Variants in MTMR10 observed in about 807,000 individuals in gnomAD.
MTMR10 encodes the protein myotubularin-related protein 10.
In MTMR10, 56 loss-of-function variants were observed where a neutral mutation model predicts 88.1. That is an observed-to-expected ratio of 0.64 (90% CI 0.51 to 0.79). The LOEUF (loss-of-function observed/expected upper bound fraction) is 0.79, where lower values mean the gene tolerates loss of function less well. Ranked by LOEUF, MTMR10 falls within the 30% of genes least tolerant of loss-of-function variation. MTMR10 has a pLI of 0.00. For synonymous variants in MTMR10, 380 were observed against 340.9 expected, an observed-to-expected ratio of 1.11 and a Z score of -1.26; for missense variants, 883 against 924.7, an observed-to-expected ratio of 0.95 and a Z score of 0.58.
In MTMR10 at chr15:30,968,534, AACACACAC is replaced by A. The variant is rs61503155; in HGVS notation, c.475-532_475-525del. ...GCTCAAAGAGGTACATCAAAAAAAC[AACACACAC>A]ACACACACACACACACACACACACA... On this transcript the variant is annotated intron_variant, in intron 5 of 15. Transcript: ENST00000435680. Among the ~76,000 whole-genome samples the A allele has an allele frequency of 8.8e-3, 1,256 of 143,162 alleles. 12 individuals carry two copies. The highest frequency in any genetic ancestry group is 0.021 in the Middle Eastern group (6 of 284). 93.9% of individuals were successfully genotyped at this position (143,162 alleles called of 152,430 possible). A position where few individuals can be genotyped will look rare whatever the true frequency, so the allele number is the denominator to read the frequency against.
chr15:30,947,005 G>T, intron 14 of MTMR10, 125 bp downstream of exon 14: 3 of 1,224,334 alleles, frequency 2.5e-6, no homozygotes, highest in Non-Finnish European at 3.4e-6. Context: ...AGAAATTTCA[G>T]CTGAAAATGG....
At chr15:30,982,251 T>A (rs192567458) in intron 2 of MTMR10, among the ~76,000 whole-genome samples, 270 of 152,182 alleles carry the variant, frequency 1.8e-3, no homozygotes, top group African/African-American at 6.4e-3. Flanking sequence ...GTAAAGAACA[T>A]TTGTGGAAAA....
rs1199587078 is a variant in MTMR10, at chr15:30,963,615, C to T, written c.566-2542G>A. On this transcript the variant is annotated intron_variant, in intron 6 of 15. Transcript: ENST00000435680. ...TCGTACCAGTGCACTCCAGCCTGAG[C>T]GACACAGCGAGACTCTGTCTCAAAA... Among the ~76,000 whole-genome samples, 4 of 151,402 alleles carry T rather than the reference C, an allele frequency of 2.6e-5. No homozygotes were observed. In the South Asian group the frequency reaches 6.2e-4, roughly 24 times the overall value.
chr15:30,990,991 T>A (rs1402922612), intron 1 of MTMR10, among the ~76,000 whole-genome samples, 154 bp from the exon 2 acceptor site: 1 of 152,184 alleles, frequency 6.6e-6, no homozygotes, highest in Non-Finnish European at 1.5e-5. Flanking sequence ...GTTTTTAAGA[T>A]CTGCTCATTA....
chr15:30,937,051 A>G (rs951087627), downstream of MTMR10: 2 of 1,364,322 alleles, frequency 1.5e-6, no homozygotes, highest in African/African-American at 1.4e-5. Context: ...AGTGACAACT[A>G]CAACTTACTT....
At chr15:30,929,771 ATAATATATTATAT>A in the MTMR10 span, among the ~76,000 whole-genome samples, 4 of 31,862 alleles carry the variant, frequency 1.3e-4, 1 homozygote, top group Admixed American at 1.3e-3. Context: ...TATAAAATAT[ATAATATATTATAT>A]CATATATAAT....
At chr15:30,981,985 C>T (rs1385993913) in intron 2 of MTMR10, among the ~76,000 whole-genome samples, 2 of 151,590 alleles carry the variant, frequency 1.3e-5, no homozygotes, top group Non-Finnish European at 2.9e-5. Context: ...GCAGGAGAAT[C>T]GCTCAAACTC....
chr15:30,943,130 T>C, intron 14 of MTMR10, 58 bp from the exon 15 acceptor site: 1 of 1,502,866 alleles, frequency 6.7e-7, no homozygotes, highest in Non-Finnish European at 8.9e-7. Flanking sequence ...GAATGCCTTT[T>C]TTCAGATGAG....
the MTMR10 span, among the ~76,000 whole-genome samples, chr15:30,918,988 C>T: frequency 2.6e-5 from 4 of 152,104 alleles, no homozygotes; most frequent in Non-Finnish European, 5.9e-5. Context: ...GAAGCCCTAC[C>T]GATTACATAG....
intron 9 of MTMR10, among the ~76,000 whole-genome samples, chr15:30,955,862 G>GATA (rs1460165330): frequency 6.6e-6 from 1 of 152,064 alleles, no homozygotes; most frequent in Admixed American, 6.5e-5. Flanking sequence ...CTATTCTTAG[G>GATA]AGAGAATGGG....
At chr15:30,953,282 T>C (rs1056906387) in intron 11 of MTMR10, among the ~76,000 whole-genome samples, 5 of 152,160 alleles carry the variant, frequency 3.3e-5, no homozygotes, top group African/African-American at 1.2e-4. Context: ...CTCCCTGTGG[T>C]GGTGGTTACG....
Position 30,968,534 on chromosome 15 carries a change from A to AACACACACACACACACACACAC in MTMR10, c.475-546_475-525dup, listed in dbSNP as rs61503155. 1.4e-3 allele frequency among the ~76,000 whole-genome samples: 200 copies of AACACACACACACACACACACAC among 143,156 alleles called. 1 individual carries two copies. The highest frequency in any genetic ancestry group is 5.0e-3 in the African/African-American group (186 of 37,478). 93.9% of individuals were successfully genotyped at this position (143,156 alleles called of 152,430 possible). On this transcript the variant is annotated intron_variant, in intron 5 of 15. Coordinates refer to ENST00000435680, the MANE Select transcript of MTMR10 (RefSeq NM_017762.3). ...GCTCAAAGAGGTACATCAAAAAAAC[A>AACACACACACACACACACACAC]ACACACACACACACACACACACACA...
the MTMR10 span, chr15:30,929,395 C>T: frequency 6.2e-7 from 1 of 1,601,354 alleles, no homozygotes; most frequent in Non-Finnish European, 8.5e-7. Context: ...TCAGCAAGCT[C>T]AGGTAATGGT....
chr15:30,968,423 T>A lies in MTMR10; in HGVS notation c.475-413A>T, dbSNP rs545666049. ...ATATAAGGCATGAAACTTTAAAGTT[T>A]ACGCCTCATGGATTTAAACATCTAA... is the stretch of plus-strand genomic sequence containing the variant. On this transcript the variant is annotated intron_variant, in intron 5 of 15. Coordinates refer to ENST00000435680, the MANE Select transcript of MTMR10 (RefSeq NM_017762.3). Among the ~76,000 whole-genome samples the A allele has an allele frequency of 5.3e-5, 8 of 152,204 alleles. No homozygotes were observed. In the East Asian group the frequency reaches 1.5e-3, roughly 29 times the overall value.
chr15:30,966,858 C>CTTTTTTTTT (rs76851097), intron 6 of MTMR10, among the ~76,000 whole-genome samples: 1 of 131,082 alleles, frequency 7.6e-6, no homozygotes, highest in Non-Finnish European at 1.6e-5. Context: ...ACTGTATTTT[C>CTTTTTTTTT]TTTTTTTTTT....
At position 30,967,707 on chromosome 15, in the gene MTMR10, T is replaced by C. The variant is rs16956414; in HGVS notation, c.565+213A>G. On this transcript the variant is annotated intron_variant, in intron 6 of 15. Coordinates refer to ENST00000435680, the MANE Select transcript of MTMR10 (RefSeq NM_017762.3). ...ATATCTGACATAACTTATAAGCCCA[T>C]ATTCATAGCATTAAAGGTTCTTCCT... 0.054 allele frequency among the ~76,000 whole-genome samples: 8,278 copies of C among 152,244 alleles called. 322 individuals are homozygous for C. The highest frequency in any genetic ancestry group is 0.13 in the Admixed American group (1,940 of 15,280).
At chr15:30,962,093 C>T (rs2063409614) in intron 6 of MTMR10, among the ~76,000 whole-genome samples, 1 of 152,156 alleles carries the variant, frequency 6.6e-6, no homozygotes, top group Non-Finnish European at 1.5e-5. Context: ...CATCAGGTTC[C>T]TTGTTCTTTG....
chr15:30,940,313 G>GTGTC lies in MTMR10; in HGVS notation c.*1153_*1156dup. The GTGTC allele has an allele frequency of 1.0e-6, 1 of 985,378 alleles. No homozygotes were observed. Among genetic ancestry groups the GTGTC allele is most frequent in the Non-Finnish European group, 1.2e-6 (1 of 829,882 alleles). The allele number at this position is 985,378 out of a possible 1,614,324, so 61.0% of individuals were successfully genotyped here. ...AGAGATTCAGATCAAGCAAACAACT[G>GTGTC]TGTCTGCTCATTCTCCTCAACTTTG... is the stretch of plus-strand genomic sequence containing the variant. On this transcript the variant is annotated 3_prime_UTR_variant, in exon 16 of 16. Transcript: ENST00000435680.
At position 30,941,528 on chromosome 15, in the gene MTMR10, T is replaced by G; in HGVS notation, c.2276A>C (p.Lys759Thr). ...CCATATTTTGGCCCCACTTAAAAAT[T>G]TGCTTAATGGTGTTCCTAAAATGCT... is the stretch of plus-strand genomic sequence containing the variant. ...RRSILGTPLS[K>T]FLSGAKIWLS... Residue 759 changes from lysine (K) to threonine (T), a missense_variant, in exon 16 of 16, where the codon AAA becomes ACA. Lys to Thr is a moderately conservative substitution (Grantham distance 78, BLOSUM62 -1). Coordinates refer to ENST00000435680, the MANE Select transcript of MTMR10 (RefSeq NM_017762.3). The G allele has an allele frequency of 6.2e-7, 1 of 1,610,478 alleles. No individual in the cohort carries two copies. Among genetic ancestry groups the G allele is most frequent in the Non-Finnish European group, 8.5e-7 (1 of 1,178,126 alleles).
Sources: allele counts gnomAD v4.1 joint callset (sites outside exome capture counted in the v4.1 genomes callset), GRCh38; gene constraint gnomAD v4.1.1; transcripts MANE v1.5; gene names NCBI Gene and HGNC (gene_info 2026-07-23, HGNC 2026-07-21).